C13orf46: variants seen among roughly 807,000 people sequenced by gnomAD.
C13orf46 encodes the protein uncharacterized protein C13orf46.
At chr13:113,959,203 T>G (rs1360928747) in intron 6 of C13orf46, among the ~76,000 whole-genome samples, 1 of 151,682 alleles carries the variant, frequency 6.6e-6, no homozygotes, top group Non-Finnish European at 1.5e-5. Flanking sequence ...GCCCAGGGGG[T>G]GGAGGTTGCA....
At chr13:113,952,767 C>T (rs1327044915), downstream of C13orf46, among the ~76,000 whole-genome samples, 2 of 152,248 alleles carry the variant, frequency 1.3e-5, no homozygotes, top group Non-Finnish European at 2.9e-5. Flanking sequence ...TGTGCATCTA[C>T]AGGGGGTTCC....
chr13:113,952,501 G>C (rs1008042141), downstream of C13orf46, among the ~76,000 whole-genome samples: 3 of 152,222 alleles, frequency 2.0e-5, no homozygotes, highest in Admixed American at 1.3e-4. Flanking sequence ...CCCCAGCCTG[G>C]GAGGGCTCTG....
At chr13:113,929,926 G>A in the C13orf46 span, among the ~76,000 whole-genome samples, 13,043 of 152,316 alleles carry the variant, frequency 0.086, 701 homozygotes, top group East Asian at 0.12. Context: ...CAGGGAGCAG[G>A]AGGCTGTGGG....
intron 1 of C13orf46, among the ~76,000 whole-genome samples, chr13:113,972,459 C>A (rs1471000120): frequency 6.6e-6 from 1 of 152,238 alleles, no homozygotes; most frequent in African/African-American, 2.4e-5. Flanking sequence ...GCCCCGTGGA[C>A]ACCTTTGCGA....
the C13orf46 span, among the ~76,000 whole-genome samples, chr13:113,942,493 A>G: frequency 7.1e-3 from 1,081 of 152,320 alleles, 9 homozygotes; most frequent in African/African-American, 0.021. Flanking sequence ...CTCGGCAGAC[A>G]CCACCTGGAC....
At chr13:113,940,242 A>C in the C13orf46 span, among the ~76,000 whole-genome samples, 1 of 152,258 alleles carries the variant, frequency 6.6e-6, no homozygotes, top group African/African-American at 2.4e-5. Flanking sequence ...AGCGAAGAGC[A>C]GGAGGCCAGA....
Position 113,972,923 on chromosome 13 carries a change from GC to G in C13orf46, c.190+884del, listed in dbSNP as rs2052724121. On this transcript the variant is annotated intron_variant, in intron 1 of 6. Transcript: ENST00000636427. ...GCCCGGCTGGAGCCCCCACAGCTCC[GC>G]CCCAGCAGCGCAAGGCCTTCCCAGC... Among the ~76,000 whole-genome samples, 6 of 152,306 alleles carry G rather than the reference GC, an allele frequency of 3.9e-5. No homozygotes were observed. In the South Asian group the frequency reaches 1.2e-3, roughly 32 times the overall value.
chr13:113,964,893 C>T (rs2052621413), intron 6 of C13orf46, 34 bp downstream of exon 6: 1 of 152,228 alleles, frequency 6.6e-6, no homozygotes, highest in Admixed American at 6.5e-5. Context: ...GTCCTCCTAC[C>T]CCCACCTAGT....
intron 6 of C13orf46, among the ~76,000 whole-genome samples, chr13:113,964,703 G>A (rs2052619585): frequency 1.3e-5 from 2 of 152,116 alleles, no homozygotes. Flanking sequence ...GTGGGGCATC[G>A]TGAAGCTCGT....
At chr13:113,945,575 A>AAGAAAGAAAGAAAGAGAG in the C13orf46 span, among the ~76,000 whole-genome samples, 4 of 89,066 alleles carry the variant, frequency 4.5e-5, no homozygotes, top group African/African-American at 1.3e-4. Flanking sequence ...GAAAGAAAGA[A>AAGAAAGAAAGAAAGAGAG]AGAGAGAGAG....
chr13:113,927,399 TC>T, the C13orf46 span: 3 of 395,836 alleles, frequency 7.6e-6, no homozygotes, highest in Middle Eastern at 6.3e-4. Context: ...TCCAGACACC[TC>T]CCCCCTCTCC....
rs1400643686 is a variant in C13orf46 at position 113,955,250 on chromosome 13, G to A, written c.*1523C>T. ...GAGACGAGGAGCATCTGGCGGAGACGAGGAGCATCTGGCGGAGAGGAGGAG... is the reference window on the plus strand; with the variant it reads ...GAGACGAGGAGCATCTGGCGGAGACAAGGAGCATCTGGCGGAGAGGAGGAG... On this transcript the variant is annotated 3_prime_UTR_variant, in exon 7 of 7. Transcript: ENST00000636427. 9 of 200,026 alleles carry A rather than the reference G, an allele frequency of 4.5e-5. No individual in the cohort carries two copies. The highest frequency in any genetic ancestry group is 1.3e-4 in the Admixed American group (2 of 15,928). The allele number at this position is 200,026 out of a possible 1,614,324, so 12.4% of individuals were successfully genotyped here.
At chr13:113,937,747 G>A in the C13orf46 span, among the ~76,000 whole-genome samples, 1 of 152,182 alleles carries the variant, frequency 6.6e-6, no homozygotes, top group African/African-American at 2.4e-5. Flanking sequence ...AGGCTTCCAG[G>A]TCGTAGGTAG....
At chr13:113,946,373 CCT>C in the C13orf46 span, among the ~76,000 whole-genome samples, 68 of 152,342 alleles carry the variant, frequency 4.5e-4, no homozygotes, top group African/African-American at 1.6e-3. Flanking sequence ...GACCAGTCCC[CCT>C]CTGTGGTGGG....
intron 5 of C13orf46, among the ~76,000 whole-genome samples, chr13:113,966,577 ATAG>A (rs2052651525): frequency 6.7e-6 from 1 of 150,364 alleles, no homozygotes; most frequent in Admixed American, 6.7e-5. Flanking sequence ...GGTGATAGTG[ATAG>A]TGGTGATGGT....
In C13orf46 at chr13:113,955,298, G is replaced by C. The variant is rs1199832658; in HGVS notation, c.*1475C>G. 1 of 176,536 alleles carries C rather than the reference G, an allele frequency of 5.7e-6. No individual in the cohort carries two copies. The highest frequency in any genetic ancestry group is 2.6e-5 in the African/African-American group (1 of 37,966). The allele number at this position is 176,536 out of a possible 1,614,324, so 10.9% of individuals were successfully genotyped here. A position where few individuals can be genotyped will look rare whatever the true frequency, so the allele number is the denominator to read the frequency against. ...GAGTAGTATCTGGCGGAGAGGAGTAGTATCTGGCAGAGAGGAGTAGTATCT... is the reference window on the plus strand; with the variant it reads ...GAGTAGTATCTGGCGGAGAGGAGTACTATCTGGCAGAGAGGAGTAGTATCT... On this transcript the variant is annotated 3_prime_UTR_variant, in exon 7 of 7. Transcript: ENST00000636427.
Position 113,954,995 on chromosome 13 carries a change from GGCAGAGAGGAGGA to G in C13orf46, c.*1765_*1777del. 9.8e-6 allele frequency: 1 copy of G among 101,734 alleles called. No individual in the cohort carries two copies. The highest frequency in any genetic ancestry group is 3.1e-5 in the African/African-American group (1 of 31,928). 6.3% of individuals were successfully genotyped at this position (101,734 alleles called of 1,614,324 possible). A position where few individuals can be genotyped will look rare whatever the true frequency, so the allele number is the denominator to read the frequency against. Reference sequence around the variant, plus strand: ...CTGGCGGAGACGAGGAGGAGGATCTGGCAGAGAGGAGGAGTAGGATCTGGCGGAGAGGAGGAGT... The same window carrying G: ...CTGGCGGAGACGAGGAGGAGGATCTGGTAGGATCTGGCGGAGAGGAGGAGT... On this transcript the variant is annotated 3_prime_UTR_variant, in exon 7 of 7. Coordinates refer to ENST00000636427, the MANE Select transcript of C13orf46 (RefSeq NM_001365455.2).
the C13orf46 span, among the ~76,000 whole-genome samples, chr13:113,948,513 T>C: frequency 5.9e-5 from 9 of 152,192 alleles, no homozygotes; most frequent in Non-Finnish European, 1.2e-4. Flanking sequence ...GCCACGAAAC[T>C]GACACTGCCC....
chr13:113,936,551 A>C, the C13orf46 span, among the ~76,000 whole-genome samples: 1 of 152,204 alleles, frequency 6.6e-6, no homozygotes, highest in African/African-American at 2.4e-5. Flanking sequence ...GCCAGTGGCG[A>C]GAGCTGCAAT....
Sources: gnomAD v4.1 joint callset for allele counts (sites outside exome capture counted in the v4.1 genomes callset) on GRCh38, gnomAD v4.1.1 for gene constraint, MANE v1.5 for transcripts, NCBI Gene and HGNC (gene_info 2026-07-23, HGNC 2026-07-21) for gene names.